CLN5: variants seen among roughly 807,000 people sequenced by gnomAD.
CLN5 encodes bis(monoacylglycero)phosphate synthase CLN5.
A neutral mutation model predicts 36.7 loss-of-function variants in CLN5; 34 were observed. The observed-to-expected ratio is 0.93, with a 90% CI of 0.71 to 1.23. CLN5 has a LOEUF of 1.23. CLN5 is among the 50% of genes most tolerant of loss of function. The pLI, the probability that CLN5 is intolerant of heterozygous loss-of-function variation, is 0.00. For missense variants in CLN5, 427 were observed against 439.4 expected, an observed-to-expected ratio of 0.97 and a Z score of 0.25; for synonymous variants, 151 against 155.1, an observed-to-expected ratio of 0.97 and a Z score of 0.20.
At chr13:76,998,939 C>T (rs1292250105) in intron 3 of CLN5, 1 of 152,198 alleles carries the variant, frequency 6.6e-6, no homozygotes. Context: ...TTCCTTCTGA[C>T]ATAAAGTCAA....
chr13:77,004,693 A>G lies in CLN5; in HGVS notation c.*3724A>G, dbSNP rs957798942. The G allele has an allele frequency of 2.0e-5, 3 of 152,156 alleles. No individual in the cohort carries two copies. The highest frequency in any genetic ancestry group is 7.2e-5 in the African/African-American group (3 of 41,428). 9.4% of individuals were successfully genotyped at this position (152,156 alleles called of 1,614,324 possible). A position where few individuals can be genotyped will look rare whatever the true frequency, so the allele number is the denominator to read the frequency against. ...GTTAAAGGACCTAGTGTAAAAAAAA[A>G]AAATTTTAAAGGACCTAGTGGAGGC... On this transcript the variant is annotated 3_prime_UTR_variant, in exon 4 of 4. Transcript: ENST00000377453.
chr13:76,998,417 A>T (rs1270761540), intron 3 of CLN5: 1 of 152,188 alleles, frequency 6.6e-6, no homozygotes, highest in Middle Eastern at 3.2e-3. Context: ...ATAGCATTTG[A>T]GAAGTAAGGA....
rs752211672 is a variant in CLN5 at position 77,001,437 on chromosome 13, G to C, written c.*468G>C. 93 of 157,392 alleles carry C rather than the reference G, an allele frequency of 5.9e-4. 1 individual carries two copies. The highest frequency in any genetic ancestry group is 1.0e-3 in the Non-Finnish European group (74 of 71,732). The allele number at this position is 157,392 out of a possible 1,614,324, so 9.7% of individuals were successfully genotyped here. On this transcript the variant is annotated 3_prime_UTR_variant, in exon 4 of 4. Coordinates refer to ENST00000377453, the MANE Select transcript of CLN5 (RefSeq NM_006493.4). ...CAACTTCTATAACTTTTGGAACCAA[G>C]TTTAGTATAGTCTGATTACATTCCA... is the stretch of plus-strand genomic sequence containing the variant.
chr13:76,992,439 C>T, intron 1 of CLN5, 168 bp downstream of exon 1: 1 of 768,562 alleles, frequency 1.3e-6, no homozygotes, highest in Non-Finnish European at 2.0e-6. Flanking sequence ...AAGTTGAGGA[C>T]TGGGGAGTCG....
intron 3 of CLN5, 186 bp downstream of exon 3, chr13:76,996,313 T>C: frequency 1.7e-6 from 1 of 581,178 alleles, no homozygotes; most frequent in South Asian, 2.1e-5. Context: ...TTTATTTTAT[T>C]TGAATAGGTT....
Position 77,000,547 on chromosome 13 carries a change from GA to G in CLN5, c.659del (p.Lys220ArgfsTer17). ...YETWNVKASP[E>X]KGAETWFDSY... ...GACATGGAATGTAAAAGCCAGCCCA[GA>G]AAAGGGGGCAGAGACATGGTTTGAT... On this transcript the variant is annotated frameshift_variant, in exon 4 of 4. Coordinates refer to ENST00000377453, the MANE Select transcript of CLN5 (RefSeq NM_006493.4). LOFTEE classifies it high-confidence loss of function. 1 of 1,614,084 alleles carries G rather than the reference GA, an allele frequency of 6.2e-7. No individual in the cohort carries two copies. The highest frequency in any genetic ancestry group is 8.5e-7 in the Non-Finnish European group (1 of 1,180,006).
At chr13:76,995,691 G>T in intron 2 of CLN5, 1 of 611,992 alleles carries the variant, frequency 1.6e-6, no homozygotes. Flanking sequence ...TTTGAGATGA[G>T]CCAAATAGGG....
Position 77,000,485 on chromosome 13 carries a change from G to C in CLN5, c.593G>C (p.Trp198Ser). 6.2e-7 allele frequency: 1 copy of C among 1,613,542 alleles called. No homozygotes were observed. The highest frequency in any genetic ancestry group is 8.5e-7 in the Non-Finnish European group (1 of 1,179,832). The change falls in exon 4 of 4, where the codon TGG becomes TCG. Residue 198 changes from tryptophan (W) to serine (S), a missense_variant. Trp to Ser is a radical substitution (Grantham distance 177). Transcript: ENST00000377453. Reference protein sequence around the residue: ...SGNMFNQMAKWVKQDNETGIY... With the variant: ...SGNMFNQMAKSVKQDNETGIY... Reference sequence around the variant, plus strand: ...AACATGTTCAACCAAATGGCAAAGTGGGTGAAACAGGACAATGAAACAGGA... The same window carrying C: ...AACATGTTCAACCAAATGGCAAAGTCGGTGAAACAGGACAATGAAACAGGA...
chr13:77,000,723 G>T lies in CLN5; in HGVS notation c.831G>T (p.Gly277=), dbSNP rs749457168. 3 of 1,613,958 alleles carry T rather than the reference G, an allele frequency of 1.9e-6. No homozygotes were observed. The African/African-American group carries it at 4.0e-5, about 22-fold the overall frequency. Residue 277 remains glycine (G), a synonymous_variant, in exon 4 of 4, where the codon GGG becomes GGT. Transcript: ENST00000377453. The stretch of plus-strand genomic sequence containing the variant: ...TGGGAAATGAAACATCTGTTTTTGG[G>T]CCAACAGGAAACAAGACTCTTGGTT... ...TYLGNETSVF[G]PTGNKTLGLA... is the part of the protein sequence containing the mutation.
chr13:76,995,367 G>T, intron 2 of CLN5, 139 bp downstream of exon 2: 1 of 764,672 alleles, frequency 1.3e-6, no homozygotes. Flanking sequence ...AAAATGAGTA[G>T]TCAAAAATAG....
intron 1 of CLN5, 187 bp from the exon 2 acceptor site, chr13:76,994,876 G>C (rs1322901112): frequency 1.7e-6 from 1 of 573,168 alleles, no homozygotes; most frequent in African/African-American, 1.9e-5. Flanking sequence ...AGTGCTTTTA[G>C]TTTATCATTT....
At chr13:76,999,540 G>A (rs1006760847) in intron 3 of CLN5, 2 of 152,282 alleles carry the variant, frequency 1.3e-5, no homozygotes, top group Non-Finnish European at 2.9e-5. Flanking sequence ...TCCAAGTACA[G>A]GGAAGAAAGA....
chr13:76,996,233 C>CATTT (rs2034266445), intron 3 of CLN5, 106 bp downstream of exon 3: 1 of 975,640 alleles, frequency 1.0e-6, no homozygotes, highest in Admixed American at 1.9e-5. Context: ...ACTTAGAGGT[C>CATTT]ATTTGTAAAA....
chr13:76,998,706 C>T lies in CLN5; in HGVS notation c.566-1752C>T, dbSNP rs371714524. The T allele has an allele frequency of 2.6e-5, 4 of 152,320 alleles. No homozygotes were observed. In the East Asian group the frequency reaches 7.7e-4, roughly 29 times the overall value. 9.4% of individuals were successfully genotyped at this position (152,320 alleles called of 1,614,324 possible). A position where few individuals can be genotyped will look rare whatever the true frequency, so the allele number is the denominator to read the frequency against. On this transcript the variant is annotated intron_variant, in intron 3 of 3. Coordinates refer to ENST00000377453, the MANE Select transcript of CLN5 (RefSeq NM_006493.4). ...TTACTTGCCTCTCAAGGTCAAAGAG[C>T]TGGATGTAGCAGAATCAGGAATAAA...
In CLN5 at chr13:77,001,936, A is replaced by G. The variant is rs2034371117; in HGVS notation, c.*967A>G. ...CTGTCAGCGCAGTGGAAGAGGTTGC[A>G]CTTCTCCGAGAGAGGACAGGTTTCT... On this transcript the variant is annotated 3_prime_UTR_variant, in exon 4 of 4. Coordinates refer to ENST00000377453, the MANE Select transcript of CLN5 (RefSeq NM_006493.4). The G allele has an allele frequency of 6.6e-6, 1 of 152,180 alleles. No homozygotes were observed. Among genetic ancestry groups the G allele is most frequent in the African/African-American group, 2.4e-5 (1 of 41,440 alleles). The allele number at this position is 152,180 out of a possible 1,614,324, so 9.4% of individuals were successfully genotyped here.
In CLN5 at chr13:77,001,225, A is replaced by G. The variant is rs965491210; in HGVS notation, c.*256A>G. On this transcript the variant is annotated 3_prime_UTR_variant, in exon 4 of 4. Transcript: ENST00000377453. Reference sequence around the variant, plus strand: ...CGAGCCTTTGTTAATATGGAGAATTATGGTTCATATCAGTTATGTAGGACC... The same window carrying G: ...CGAGCCTTTGTTAATATGGAGAATTGTGGTTCATATCAGTTATGTAGGACC... 2 of 372,344 alleles carry G rather than the reference A, an allele frequency of 5.4e-6. No homozygotes were observed. Among genetic ancestry groups the G allele is most frequent in the African/African-American group, 4.2e-5 (2 of 47,716 alleles). 23.1% of individuals were successfully genotyped at this position (372,344 alleles called of 1,614,324 possible).
intron 3 of CLN5, chr13:76,997,864 T>G (rs1461761407): frequency 6.6e-6 from 1 of 152,240 alleles, no homozygotes; most frequent in Admixed American, 6.5e-5. Context: ...ATAAAATGCC[T>G]GATTAAAGGA....
intron 3 of CLN5, chr13:76,997,713 C>T (rs1420164034): frequency 4.6e-5 from 7 of 152,188 alleles, no homozygotes; most frequent in African/African-American, 1.7e-4. Flanking sequence ...CAGAACTTCA[C>T]CTGTTGGTGA....
Position 76,992,509 on chromosome 13 carries a change from C to T in CLN5, c.173+238C>T, listed in dbSNP as rs11839047. The T allele has an allele frequency of 6.3e-3, 3,629 of 580,272 alleles. 67 individuals are homozygous for T. Among genetic ancestry groups the T allele is most frequent in the African/African-American group, 0.05 (2,552 of 50,866 alleles). 35.9% of individuals were successfully genotyped at this position (580,272 alleles called of 1,614,324 possible). The stretch of plus-strand genomic sequence containing the variant: ...GTCCCCTCTGGTCACTTGCGGCAGA[C>T]TCAGGACAGTCCTGAATCGTGGAAG... On this transcript the variant is annotated intron_variant, in intron 1 of 3. Transcript: ENST00000377453.
Sources: allele counts gnomAD v4.1 joint callset, GRCh38; gene constraint gnomAD v4.1.1; transcripts MANE v1.5; gene names NCBI Gene and HGNC (gene_info 2026-07-23, HGNC 2026-07-21).